Variants in TLE1 observed in about 807,000 individuals in gnomAD.
TLE1 encodes transducin-like enhancer protein 1.
TLE1 carries 21 observed loss-of-function variants against 89.8 expected under a neutral mutation model. The observed-to-expected ratio is 0.23, with a 90% CI of 0.17 to 0.34. The LOEUF (loss-of-function observed/expected upper bound fraction) is 0.34, where lower values mean the gene tolerates loss of function less well. Among genes scored for constraint, TLE1 ranks in the 10% least tolerant of loss-of-function variants. TLE1 has a pLI of 1.00. For missense variants in TLE1, 795 were observed against 1,031.2 expected, an observed-to-expected ratio of 0.77 and a Z score of 3.14; for synonymous variants, 447 against 407.6, an observed-to-expected ratio of 1.10 and a Z score of -1.16.
chr9:81,656,299 T>C (rs1274222991), intron 4 of TLE1, among the ~76,000 whole-genome samples: 11 of 152,206 alleles, frequency 7.2e-5, no homozygotes, highest in Non-Finnish European at 1.6e-4. Context: ...GCACTGTCTA[T>C]TTGAGTGCAT....
intron 12 of TLE1, chr9:81,612,514 G>T: frequency 8.5e-6 from 2 of 235,616 alleles, no homozygotes; most frequent in Non-Finnish European, 1.4e-5. Flanking sequence ...CAAATTATGA[G>T]TTTTTTAAGG....
At chr9:81,654,980 T>G (rs1332579116) in intron 4 of TLE1, among the ~76,000 whole-genome samples, 1 of 152,152 alleles carries the variant, frequency 6.6e-6, no homozygotes, top group Admixed American at 6.5e-5. Context: ...CACAGTTCAG[T>G]AACAAACTCA....
rs546889909 is a variant in TLE1 at position 81,688,249 on chromosome 9, C to T, written c.-9G>A. On this transcript the variant is annotated 5_prime_UTR_variant, in exon 1 of 20. Transcript: ENST00000376499. Reference sequence around the variant, plus strand: ...CGGCTCTGCGGGAACATCGCTCTGGCGGCGGCCGGGGCTCTGTTCCCCGGC... The same window carrying T: ...CGGCTCTGCGGGAACATCGCTCTGGTGGCGGCCGGGGCTCTGTTCCCCGGC... 6.3e-7 allele frequency: 1 copy of T among 1,583,118 alleles called. No individual in the cohort carries two copies. The highest frequency in any genetic ancestry group is 8.6e-7 in the Non-Finnish European group (1 of 1,166,150).
chr9:81,601,335 G>A (rs1221924995), intron 14 of TLE1, among the ~76,000 whole-genome samples: 6 of 152,162 alleles, frequency 3.9e-5, no homozygotes, highest in African/African-American at 1.2e-4. Context: ...TACCCCAAAC[G>A]TAGTTAAGAT....
chr9:81,598,426 C>T (rs963033581), intron 14 of TLE1, among the ~76,000 whole-genome samples: 9 of 152,134 alleles, frequency 5.9e-5, no homozygotes, highest in African/African-American at 2.2e-4. Flanking sequence ...CTAACCTTTC[C>T]TATTAACCTC....
At chr9:81,642,974 G>T (rs1201546600) in intron 6 of TLE1, among the ~76,000 whole-genome samples, 1 of 152,190 alleles carries the variant, frequency 6.6e-6, no homozygotes, top group Non-Finnish European at 1.5e-5. Context: ...GAAATAAGCA[G>T]ATTCAGAAAG....
intron 11 of TLE1, 111 bp from the exon 12 acceptor site, chr9:81,613,632 C>T: frequency 1.6e-6 from 2 of 1,251,864 alleles, no homozygotes; most frequent in Admixed American, 4.3e-5. Context: ...CTCCCTCAGC[C>T]AATTTTCATA....
At chr9:81,587,878 T>A in intron 16 of TLE1, 50 bp from the exon 17 acceptor site, 1 of 1,321,382 alleles carries the variant, frequency 7.6e-7, no homozygotes, top group Non-Finnish European at 1.0e-6. Flanking sequence ...GAGCTCAAGG[T>A]AAACACTGTT....
intron 8 of TLE1, among the ~76,000 whole-genome samples, chr9:81,631,398 G>C (rs552430923): frequency 6.6e-6 from 1 of 152,274 alleles, no homozygotes; most frequent in South Asian, 2.1e-4. Context: ...TCACACCCCT[G>C]GCATTTCAGA....
At chr9:81,620,365 A>C in intron 9 of TLE1, 76 bp downstream of exon 9, 1 of 1,119,256 alleles carries the variant, frequency 8.9e-7, no homozygotes, top group Non-Finnish European at 1.3e-6. Context: ...ATTATCACTA[A>C]GATCTTAGAA....
intron 6 of TLE1, among the ~76,000 whole-genome samples, chr9:81,637,945 G>A (rs1827615993): frequency 6.6e-6 from 1 of 152,062 alleles, no homozygotes; most frequent in African/African-American, 2.4e-5. Context: ...CCAGAATGAG[G>A]GCTACAAACC....
At chr9:81,642,335 G>A (rs539052476) in intron 6 of TLE1, among the ~76,000 whole-genome samples, 31 of 151,992 alleles carry the variant, frequency 2.0e-4, no homozygotes, top group Non-Finnish European at 3.7e-4. Context: ...TGAGAATTAG[G>A]GCTGCTCAAT....
intron 14 of TLE1, among the ~76,000 whole-genome samples, chr9:81,608,231 T>C (rs1239432790): frequency 6.6e-6 from 1 of 151,774 alleles, no homozygotes; most frequent in Non-Finnish European, 1.5e-5. Context: ...TTGCCCCTTA[T>C]CCACTCACCA....
chr9:81,652,120 C>CACAT (rs1350731750), intron 6 of TLE1, 94 bp downstream of exon 6: 35 of 1,219,098 alleles, frequency 2.9e-5, no homozygotes, highest in Non-Finnish European at 4.2e-5. Context: ...CACACACACA[C>CACAT]ACACACACAC....
In TLE1 at chr9:81,670,321, A is replaced by G. The variant is rs535428049; in HGVS notation, c.234+15355T>C. On this transcript the variant is annotated intron_variant, in intron 4 of 19. Transcript: ENST00000376499. ...ATTCTCACAATGCAAAGTCTACACAAAAGTCCCTTCCCTTTTTTTTTTGAG... is the reference window on the plus strand; with the variant it reads ...ATTCTCACAATGCAAAGTCTACACAGAAGTCCCTTCCCTTTTTTTTTTGAG... Among the ~76,000 whole-genome samples the G allele has an allele frequency of 4.7e-4, 72 of 152,122 alleles. 1 individual carries two copies. Among genetic ancestry groups the G allele is most frequent in the Non-Finnish European group, 5.9e-4 (40 of 67,974 alleles).
chr9:81,599,548 GTGGC>G (rs1481315838), intron 14 of TLE1, among the ~76,000 whole-genome samples: 2 of 152,164 alleles, frequency 1.3e-5, no homozygotes, highest in Non-Finnish European at 2.9e-5. Flanking sequence ...AATAAAGGCG[GTGGC>G]TGGGAGGAAT....
chr9:81,662,936 T>C (rs999601585), intron 4 of TLE1, among the ~76,000 whole-genome samples: 2 of 151,892 alleles, frequency 1.3e-5, no homozygotes, highest in African/African-American at 4.8e-5. Flanking sequence ...CAACCTCTGC[T>C]TCCTGGGCTT....
chr9:81,683,222 AT>A lies in TLE1; in HGVS notation c.234+2453del, dbSNP rs58069135. 8.3e-3 allele frequency among the ~76,000 whole-genome samples: 1,153 copies of A among 139,130 alleles called. 2 individuals are homozygous for A. The highest frequency in any genetic ancestry group is 9.1e-3 in the Non-Finnish European group (580 of 63,604). 91.3% of individuals were successfully genotyped at this position (139,130 alleles called of 152,430 possible). A position where few individuals can be genotyped will look rare whatever the true frequency, so the allele number is the denominator to read the frequency against. On this transcript the variant is annotated intron_variant, in intron 4 of 19. Transcript: ENST00000376499. ...GTACGGAAAGTTTCCCCATCACTGC[AT>A]TTTTTTTTTTTTTTTAGTAACAAAG...
chr9:81,622,236 A>G (rs1825359891), intron 8 of TLE1, among the ~76,000 whole-genome samples: 1 of 152,192 alleles, frequency 6.6e-6, no homozygotes, highest in Non-Finnish European at 1.5e-5. Flanking sequence ...CTCCTCCTCC[A>G]GACTCTGTGC....
Sources: gnomAD v4.1 joint callset for allele counts (sites outside exome capture counted in the v4.1 genomes callset) on GRCh38, gnomAD v4.1.1 for gene constraint, MANE v1.5 for transcripts, NCBI Gene and HGNC (gene_info 2026-07-23, HGNC 2026-07-21) for gene names.